Variants in TENM2 observed in about 807,000 individuals in gnomAD.
The protein encoded by TENM2 is teneurin-2.
TENM2 carries 52 observed loss-of-function variants against 245.2 expected under a neutral mutation model. That is an observed-to-expected ratio of 0.21 (90% confidence interval 0.17 to 0.27). The LOEUF (loss-of-function observed/expected upper bound fraction) is 0.27. Ranked by LOEUF, TENM2 falls within the 10% of genes least tolerant of loss-of-function variation. The probability of loss-of-function intolerance (pLI) is 1.00; values close to 1 mark genes in which losing one functional copy is unlikely to be tolerated. For missense variants in TENM2, 3,046 were observed against 3,666.8 expected, an observed-to-expected ratio of 0.83 and a Z score of 4.37; for synonymous variants, 1,363 against 1,438.9, an observed-to-expected ratio of 0.95 and a Z score of 1.19.
intron 25 of TENM2, among the ~76,000 whole-genome samples, chr5:168,231,935 C>A (rs1764960565): frequency 6.6e-6 from 1 of 152,058 alleles, no homozygotes; most frequent in Non-Finnish European, 1.5e-5. Flanking sequence ...GTCATGGTGG[C>A]ACATGCCTGT....
chr5:168,260,522 G>C, intron 28 of TENM2, 109 bp downstream of exon 30: 2 of 1,300,820 alleles, frequency 1.5e-6, no homozygotes, highest in Non-Finnish European at 2.1e-6. Context: ...ATTGGAGCTG[G>C]GTATAAAAGG....
intron 2 of TENM2, chr5:167,653,722 A>G (rs1582660546): frequency 6.6e-6 from 1 of 152,186 alleles, no homozygotes; most frequent in East Asian, 1.9e-4. Flanking sequence ...CATGTGACCT[A>G]GGGCTAAACC....
chr5:167,084,768 A>G, the TENM2 span, among the ~76,000 whole-genome samples: 1 of 152,156 alleles, frequency 6.6e-6, no homozygotes, highest in African/African-American at 2.4e-5. Context: ...TGTTTAGTCC[A>G]TTGGCATTAT....
chr5:167,202,010 G>A, the TENM2 span, among the ~76,000 whole-genome samples: 1 of 152,126 alleles, frequency 6.6e-6, no homozygotes, highest in Non-Finnish European at 1.5e-5. Flanking sequence ...GTTGTTGGAA[G>A]CACCAAGAGG....
At chr5:167,483,543 G>A (rs1332161958) in intron 2 of TENM2, among the ~76,000 whole-genome samples, 1 of 152,136 alleles carries the variant, frequency 6.6e-6, no homozygotes, top group Non-Finnish European at 1.5e-5. Context: ...TCTGATATCA[G>A]TTCCTCCTAT....
intron 4 of TENM2, among the ~76,000 whole-genome samples, chr5:167,974,049 G>C (rs1466833253): frequency 1.6e-5 from 1 of 62,778 alleles, no homozygotes; most frequent in South Asian, 1.1e-3. Flanking sequence ...AAGGAAGGAA[G>C]GGAGGAAAGG....
At chr5:167,209,874 A>G in the TENM2 span, among the ~76,000 whole-genome samples, 60 of 152,280 alleles carry the variant, frequency 3.9e-4, 1 homozygote, top group South Asian at 0.012. Context: ...CCCTTATTCA[A>G]CTATATCAAC....
chr5:167,472,468 T>G (rs1468975240), intron 2 of TENM2, among the ~76,000 whole-genome samples: 1 of 152,232 alleles, frequency 6.6e-6, no homozygotes, highest in Non-Finnish European at 1.5e-5. Context: ...TAGTAATGAC[T>G]GTCCTGAATG....
chr5:167,285,013 A>C, exon 1 of TENM2: 1 of 1,552,092 alleles, frequency 6.4e-7, no homozygotes, highest in Non-Finnish European at 8.7e-7. Context: ...CACTATGGAA[A>C]CCGAGTCACA....
intron 1 of TENM2, among the ~76,000 whole-genome samples, chr5:167,311,597 G>C (rs753291245): frequency 6.6e-6 from 1 of 151,908 alleles, no homozygotes; most frequent in Non-Finnish European, 1.5e-5. Flanking sequence ...TTTAGTTTTC[G>C]TGCGTTTTTC....
chr5:168,192,890 TCATTATTTCTA>T (rs1463182073), intron 14 of TENM2, among the ~76,000 whole-genome samples: 9 of 152,194 alleles, frequency 5.9e-5, no homozygotes, highest in Admixed American at 2.6e-4. Context: ...CATTAACCTA[TCATTATTTCTA>T]CCCTAAATCC....
chr5:167,782,814 A>G (rs1407256370), intron 2 of TENM2, among the ~76,000 whole-genome samples: 1 of 152,176 alleles, frequency 6.6e-6, no homozygotes, highest in Admixed American at 6.5e-5. Flanking sequence ...AGAAATGAAC[A>G]TTATGGGAAG....
At chr5:168,075,025 G>A (rs1016535183) in intron 7 of TENM2, among the ~76,000 whole-genome samples, 1 of 152,098 alleles carries the variant, frequency 6.6e-6, no homozygotes, top group Non-Finnish European at 1.5e-5. Context: ...AGATTTTGGT[G>A]CACCCATCAC....
chr5:167,471,679 C>T (rs980727512), intron 2 of TENM2, among the ~76,000 whole-genome samples: 15 of 152,138 alleles, frequency 9.9e-5, no homozygotes, highest in African/African-American at 2.2e-4. Context: ...CTATATAATA[C>T]GAATGTGTCC....
chr5:167,032,369 G>A, the TENM2 span, among the ~76,000 whole-genome samples: 1 of 152,144 alleles, frequency 6.6e-6, no homozygotes, highest in Non-Finnish European at 1.5e-5. Context: ...TTGGGTTTCT[G>A]TATAGTCAAG....
chr5:167,098,812 G>T, the TENM2 span, among the ~76,000 whole-genome samples: 1 of 152,142 alleles, frequency 6.6e-6, no homozygotes, highest in Non-Finnish European at 1.5e-5. Context: ...TAAGCATGAC[G>T]CTTTCCATTC....
chr5:167,857,461 G>A (rs931346685), intron 2 of TENM2, among the ~76,000 whole-genome samples: 20 of 152,244 alleles, frequency 1.3e-4, no homozygotes, highest in Admixed American at 1.1e-3. Flanking sequence ...CCTCAACTAG[G>A]CTCTTAAGAG....
At chr5:167,779,156 G>A (rs765844038) in intron 2 of TENM2, among the ~76,000 whole-genome samples, 9 of 152,236 alleles carry the variant, frequency 5.9e-5, no homozygotes, top group Non-Finnish European at 1.0e-4. Flanking sequence ...CAGCAGTGGT[G>A]AGCGGTAGCT....
chr5:168,227,855 A>C (rs372190242), intron 24 of TENM2, 40 bp from the exon 27 acceptor site: 2 of 1,341,708 alleles, frequency 1.5e-6, no homozygotes, highest in Non-Finnish European at 2.1e-6. Context: ...AGAGCGGATA[A>C]TTTATTTCCC....
Sources: allele counts gnomAD v4.1 joint callset (sites outside exome capture counted in the v4.1 genomes callset), GRCh38; gene constraint gnomAD v4.1.1; transcripts MANE v1.5; gene names NCBI Gene and HGNC (gene_info 2026-07-23, HGNC 2026-07-21).